The following UGT8 variants were observed in gnomAD, a reference collection of about 807,000 sequenced individuals.
UGT8 encodes 2-hydroxyacylsphingosine 1-beta-galactosyltransferase.
A neutral mutation model predicts 40.5 loss-of-function variants in UGT8; 12 were observed. The ratio of observed to expected loss-of-function variants is 0.30; its 90% CI spans 0.19 to 0.48. UGT8 has a LOEUF of 0.48. Among genes scored for constraint, UGT8 ranks in the 20% least tolerant of loss-of-function variants. The pLI, the probability that UGT8 is intolerant of heterozygous loss-of-function variation, is 0.99. For synonymous variants in UGT8, 224 were observed against 240.4 expected, an observed-to-expected ratio of 0.93 and a Z score of 0.63; for missense variants, 513 against 648.7, an observed-to-expected ratio of 0.79 and a Z score of 2.27.
At chr4:114,615,367 G>A (rs563016468) in intron 1 of UGT8, among the ~76,000 whole-genome samples, 3 of 152,264 alleles carry the variant, frequency 2.0e-5, no homozygotes, top group Admixed American at 6.5e-5. Flanking sequence ...TGTATGTTAA[G>A]TCAAAGCAAT....
intron 2 of UGT8, among the ~76,000 whole-genome samples, chr4:114,635,736 T>A (rs1732849945): frequency 6.6e-6 from 1 of 152,194 alleles, no homozygotes; most frequent in South Asian, 2.1e-4. Flanking sequence ...TATATCGCTT[T>A]GTAAATAAAA....
upstream of UGT8, chr4:114,598,745 A>C (rs1472986602): frequency 2.6e-5 from 4 of 152,028 alleles, no homozygotes; most frequent in African/African-American, 9.7e-5. Flanking sequence ...GCTGCGGACG[A>C]GCAGGCGCGC....
intron 2 of UGT8, among the ~76,000 whole-genome samples, chr4:114,656,148 A>G (rs1254312993): frequency 6.6e-6 from 1 of 152,126 alleles, no homozygotes; most frequent in Middle Eastern, 3.2e-3. Context: ...GTTACTTACA[A>G]GACTTCTTTG....
At chr4:114,657,685 G>T (rs1182267020) in intron 2 of UGT8, among the ~76,000 whole-genome samples, 1 of 151,754 alleles carries the variant, frequency 6.6e-6, no homozygotes, top group African/African-American at 2.4e-5. Context: ...GGTGCAGAAT[G>T]ACCTTTTTTT....
chr4:114,675,903 G>A (rs962854312), intron 5 of UGT8, 22 bp from the exon 6 acceptor site: 1 of 1,582,230 alleles, frequency 6.3e-7, no homozygotes, highest in Non-Finnish European at 8.6e-7. Context: ...TCATCATTCT[G>A]TGTTTTGTCC....
At chr4:114,604,474 C>T (rs59723505) in intron 1 of UGT8, among the ~76,000 whole-genome samples, 6,615 of 103,452 alleles carry the variant, frequency 0.064, 296 homozygotes, top group African/African-American at 0.15. Context: ...TTTTTTTTTC[C>T]CCCAATTAAG....
At chr4:114,640,648 C>T (rs1235350532) in intron 2 of UGT8, among the ~76,000 whole-genome samples, 2 of 151,962 alleles carry the variant, frequency 1.3e-5, no homozygotes, top group Non-Finnish European at 2.9e-5. Flanking sequence ...GCCCACAGTT[C>T]CATTTGGCTG....
intron 1 of UGT8, among the ~76,000 whole-genome samples, chr4:114,617,148 G>T (rs1731493295): frequency 6.6e-6 from 1 of 152,190 alleles, no homozygotes; most frequent in African/African-American, 2.4e-5. Context: ...CAGCTACTCA[G>T]GAGGCTGAGG....
chr4:114,657,365 A>G (rs549770943), intron 2 of UGT8, among the ~76,000 whole-genome samples: 9 of 152,290 alleles, frequency 5.9e-5, no homozygotes, highest in African/African-American at 2.2e-4. Flanking sequence ...ATCTCAGTGG[A>G]AATGAATACA....
chr4:114,622,321 A>G (rs1242253185), intron 1 of UGT8: 9 of 151,280 alleles, frequency 5.9e-5, no homozygotes, highest in Non-Finnish European at 1.3e-4. Flanking sequence ...TCCATGGTGT[A>G]TATGTGCCAC....
chr4:114,639,122 TAA>T (rs1474435820), intron 2 of UGT8, among the ~76,000 whole-genome samples: 1 of 152,194 alleles, frequency 6.6e-6, no homozygotes, highest in Non-Finnish European at 1.5e-5. Flanking sequence ...AGGCAATCTA[TAA>T]GTTTTCTAGC....
At chr4:114,646,055 G>T (rs990880020) in intron 2 of UGT8, among the ~76,000 whole-genome samples, 4 of 152,112 alleles carry the variant, frequency 2.6e-5, no homozygotes, top group African/African-American at 9.7e-5. Flanking sequence ...GTATTGCAGA[G>T]TATCTATTTA....
At chr4:114,611,439 TATATATAC>T (rs1438623482) in intron 1 of UGT8, among the ~76,000 whole-genome samples, 2 of 114,738 alleles carry the variant, frequency 1.7e-5, no homozygotes, top group Admixed American at 1.8e-4. Flanking sequence ...TATATATATA[TATATATAC>T]ACACACACAC....
intron 4 of UGT8, among the ~76,000 whole-genome samples, chr4:114,667,073 A>G (rs1182721945): frequency 6.6e-6 from 1 of 152,086 alleles, no homozygotes; most frequent in East Asian, 1.9e-4. Flanking sequence ...AAAGTTTGAA[A>G]TCCACTTCTA....
At chr4:114,654,193 G>A (rs886993013) in intron 2 of UGT8, among the ~76,000 whole-genome samples, 2 of 151,904 alleles carry the variant, frequency 1.3e-5, no homozygotes, top group Admixed American at 6.6e-5. Flanking sequence ...ATCCACTCTC[G>A]TATTTTCTTA....
At chr4:114,675,207 A>G (rs1308747670) in intron 5 of UGT8, among the ~76,000 whole-genome samples, 5 of 152,194 alleles carry the variant, frequency 3.3e-5, no homozygotes, top group Non-Finnish European at 7.3e-5. Flanking sequence ...GAAGTTCTGT[A>G]TCTTTTTCTC....
chr4:114,655,019 C>T (rs1734092369), intron 2 of UGT8, among the ~76,000 whole-genome samples: 1 of 151,226 alleles, frequency 6.6e-6, no homozygotes, highest in African/African-American at 2.4e-5. Context: ...ATTGTTTTTA[C>T]AAAATAGACC....
chr4:114,636,473 A>G (rs960611109), intron 2 of UGT8, among the ~76,000 whole-genome samples: 2 of 152,204 alleles, frequency 1.3e-5, no homozygotes, highest in Non-Finnish European at 2.9e-5. Flanking sequence ...GAGAACCATA[A>G]ATAAATAATC....
intron 2 of UGT8, among the ~76,000 whole-genome samples, chr4:114,647,878 T>C (rs1402592198): frequency 1.3e-5 from 2 of 152,184 alleles, no homozygotes; most frequent in African/African-American, 4.8e-5. Flanking sequence ...TCTTATTGCT[T>C]TGTCCTTGTT....
Sources: allele counts gnomAD v4.1 joint callset (sites outside exome capture counted in the v4.1 genomes callset), GRCh38; gene constraint gnomAD v4.1.1; transcripts MANE v1.5; gene names NCBI Gene and HGNC (gene_info 2026-07-23, HGNC 2026-07-21).